Variants in NXPE2 observed in about 807,000 individuals in gnomAD.
The protein encoded by NXPE2 is neurexophilin and PC-esterase domain family member 2.
A neutral mutation model predicts 34.4 loss-of-function variants in NXPE2; 34 were observed. That is an observed-to-expected ratio of 0.99 (90% CI 0.75 to 1.31). The LOEUF (loss-of-function observed/expected upper bound fraction) is 1.31. Among genes scored for constraint, NXPE2 ranks in the 40% most tolerant of loss-of-function variants. The pLI is 0.00. For missense variants in NXPE2, 649 were observed against 672.5 expected (o/e 0.97, Z 0.39); for synonymous variants, 235 against 231.3 (o/e 1.02, Z -0.15).
At chr11:114,568,522 T>C in the NXPE2 span, among the ~76,000 whole-genome samples, 1 of 148,268 alleles carries the variant, frequency 6.7e-6, no homozygotes, top group Non-Finnish European at 1.5e-5. Flanking sequence ...TCTCTTTCAT[T>C]CCCTCTTTCT....
the NXPE2 span, among the ~76,000 whole-genome samples, chr11:114,538,642 T>G: frequency 6.6e-6 from 1 of 151,882 alleles, no homozygotes; most frequent in African/African-American, 2.4e-5. Flanking sequence ...CACTTCTCAA[T>G]AGAAGACATT....
chr11:114,614,175 A>T, the NXPE2 span, among the ~76,000 whole-genome samples: 56 of 150,256 alleles, frequency 3.7e-4, no homozygotes, highest in African/African-American at 1.3e-3. Context: ...CTTACCCTGT[A>T]ATAAGAGGGA....
At chr11:114,618,936 A>G in the NXPE2 span, among the ~76,000 whole-genome samples, 2 of 151,886 alleles carry the variant, frequency 1.3e-5, no homozygotes, top group African/African-American at 2.4e-5. Flanking sequence ...ACTGCTACCC[A>G]CTGGATAATA....
chr11:114,631,831 A>C, the NXPE2 span, among the ~76,000 whole-genome samples: 1 of 150,232 alleles, frequency 6.7e-6, no homozygotes, highest in Non-Finnish European at 1.5e-5. Flanking sequence ...TGGGTAACCG[A>C]TGTTACCCGG....
chr11:114,473,301 TGAAA>T, the NXPE2 span, among the ~76,000 whole-genome samples: 2 of 152,232 alleles, frequency 1.3e-5, no homozygotes, highest in South Asian at 2.1e-4. Context: ...CTTTGCAACA[TGAAA>T]GAGTGTTTTT....
At chr11:114,765,529 G>A in the NXPE2 span, among the ~76,000 whole-genome samples, 9 of 152,280 alleles carry the variant, frequency 5.9e-5, no homozygotes, top group Admixed American at 5.9e-4. Context: ...AAAAAAAAGT[G>A]TAAGTTGCTT....
chr11:114,787,386 G>A, the NXPE2 span, among the ~76,000 whole-genome samples: 3,590 of 152,210 alleles, frequency 0.024, 156 homozygotes, highest in African/African-American at 0.081. Context: ...GGGTGGGAAC[G>A]GGGGAGCATC....
At chr11:114,774,227 C>G in the NXPE2 span, among the ~76,000 whole-genome samples, 2 of 152,208 alleles carry the variant, frequency 1.3e-5, no homozygotes, top group Non-Finnish European at 2.9e-5. Context: ...TGTTCACTAT[C>G]ACTAAGGGCA....
the NXPE2 span, among the ~76,000 whole-genome samples, chr11:114,634,939 T>C: frequency 6.6e-6 from 1 of 151,854 alleles, no homozygotes; most frequent in Non-Finnish European, 1.5e-5. Context: ...ATGAACTTGG[T>C]GATGAGGGCC....
the NXPE2 span, among the ~76,000 whole-genome samples, chr11:114,519,653 A>T: frequency 6.6e-6 from 1 of 152,272 alleles, no homozygotes; most frequent in East Asian, 1.9e-4. Flanking sequence ...GAGGGGCAGG[A>T]GGGCATTCTA....
At chr11:114,805,621 G>C in the NXPE2 span, among the ~76,000 whole-genome samples, 1 of 152,232 alleles carries the variant, frequency 6.6e-6, no homozygotes, top group Admixed American at 6.5e-5. Flanking sequence ...CAAACTGCAA[G>C]GTGGCAGCGA....
At chr11:114,608,537 G>A in the NXPE2 span, among the ~76,000 whole-genome samples, 20 of 150,756 alleles carry the variant, frequency 1.3e-4, no homozygotes, top group East Asian at 2.0e-4. Context: ...ACTGTTACCC[G>A]GTGGATAATA....
At chr11:114,756,155 G>T in the NXPE2 span, among the ~76,000 whole-genome samples, 1 of 152,120 alleles carries the variant, frequency 6.6e-6, no homozygotes, top group East Asian at 1.9e-4. Flanking sequence ...CTCCTACTCT[G>T]TTATGCCTTT....
At chr11:114,592,709 C>G in the NXPE2 span, among the ~76,000 whole-genome samples, 2 of 152,044 alleles carry the variant, frequency 1.3e-5, no homozygotes, top group Non-Finnish European at 2.9e-5. Context: ...CAAAGAAGAT[C>G]CAGAATAGCC....
the NXPE2 span, among the ~76,000 whole-genome samples, chr11:114,519,385 T>C: frequency 6.6e-6 from 1 of 152,182 alleles, no homozygotes; most frequent in Non-Finnish European, 1.5e-5. Flanking sequence ...AAAACCTCTC[T>C]CTAAAGAGAT....
chr11:114,767,528 C>T, the NXPE2 span, among the ~76,000 whole-genome samples: 2 of 152,170 alleles, frequency 1.3e-5, no homozygotes, highest in Non-Finnish European at 1.5e-5. Context: ...CCTTAATTTA[C>T]AAATATGTCT....
chr11:114,719,010 A>T, the NXPE2 span, among the ~76,000 whole-genome samples: 2 of 152,212 alleles, frequency 1.3e-5, no homozygotes. Context: ...ACATTAGAAG[A>T]AATCCACTGA....
the NXPE2 span, among the ~76,000 whole-genome samples, chr11:114,495,421 A>T: frequency 2.0e-5 from 3 of 151,514 alleles, no homozygotes; most frequent in African/African-American, 7.3e-5. Flanking sequence ...ACCACAAGAC[A>T]AAAGTTTTCT....
the NXPE2 span, among the ~76,000 whole-genome samples, chr11:114,478,789 A>G: frequency 0.02 from 3,005 of 152,278 alleles, 102 homozygotes; most frequent in African/African-American, 0.067. Context: ...AAGCCCTTCA[A>G]ATTCAGTTCT....
Sources: gnomAD v4.1 joint callset for allele counts (sites outside exome capture counted in the v4.1 genomes callset) on GRCh38, gnomAD v4.1.1 for gene constraint, MANE v1.5 for transcripts, NCBI Gene and HGNC (gene_info 2026-07-23, HGNC 2026-07-21) for gene names.